Variants in ANKRD44 observed in about 807,000 individuals in gnomAD.
The protein encoded by ANKRD44 is ankyrin repeat domain 44.
ANKRD44 carries 35 observed loss-of-function variants against 116.0 expected under a neutral mutation model. The ratio of observed to expected loss-of-function variants is 0.30; its 90% CI spans 0.23 to 0.40. ANKRD44 has a LOEUF of 0.40. Ranked by LOEUF, ANKRD44 falls within the 10% of genes least tolerant of loss-of-function variation. The pLI is 1.00. For synonymous variants in ANKRD44, 435 were observed against 461.8 expected (o/e 0.94, Z 0.74); for missense variants, 1,014 against 1,242.6 (o/e 0.82, Z 2.77).
intron 1 of ANKRD44, among the ~76,000 whole-genome samples, chr2:197,213,963 C>G (rs891945434): frequency 6.6e-6 from 1 of 152,176 alleles, no homozygotes; most frequent in East Asian, 1.9e-4. Flanking sequence ...AAAGCATAGT[C>G]TAGGTTTCTC....
intron 1 of ANKRD44, among the ~76,000 whole-genome samples, chr2:197,240,284 A>G (rs2082062558): frequency 6.6e-6 from 1 of 150,866 alleles, no homozygotes; most frequent in African/African-American, 2.4e-5. Flanking sequence ...CTGAGGCACG[A>G]GAATCACTTG....
At chr2:197,072,026 G>A (rs1017369671) in intron 16 of ANKRD44, among the ~76,000 whole-genome samples, 1 of 149,742 alleles carries the variant, frequency 6.7e-6, no homozygotes, top group Non-Finnish European at 1.5e-5. Flanking sequence ...CTGAGAGGGA[G>A]GGAGGGATGG....
chr2:197,236,711 C>T (rs2081985955), intron 1 of ANKRD44, among the ~76,000 whole-genome samples: 1 of 99,506 alleles, frequency 1.0e-5, no homozygotes, highest in African/African-American at 4.9e-5. Flanking sequence ...CAACAAACTA[C>T]TCAAAAAAAA....
chr2:197,225,527 A>G (rs1212056536), intron 1 of ANKRD44, among the ~76,000 whole-genome samples: 1 of 152,142 alleles, frequency 6.6e-6, no homozygotes, highest in Non-Finnish European at 1.5e-5. Flanking sequence ...TATTTTTAGT[A>G]GAGAAAGGGT....
intron 21 of ANKRD44, among the ~76,000 whole-genome samples, chr2:196,980,349 T>TA (rs2075792095): frequency 6.6e-6 from 1 of 152,052 alleles, no homozygotes; most frequent in Non-Finnish European, 1.5e-5. Flanking sequence ...AATAAAACAG[T>TA]AAGGAGTAAA....
chr2:197,197,946 GCA>G (rs1295128707), intron 1 of ANKRD44: 7 of 152,148 alleles, frequency 4.6e-5, no homozygotes, highest in Admixed American at 1.3e-4. Flanking sequence ...ATACAAATAC[GCA>G]CAGCTAGAAT....
intron 1 of ANKRD44, among the ~76,000 whole-genome samples, chr2:197,290,687 T>C (rs1430617269): frequency 6.6e-6 from 1 of 152,260 alleles, no homozygotes; most frequent in African/African-American, 2.4e-5. Context: ...TTTGTTTTGA[T>C]ACATTGTTAA....
chr2:197,198,808 A>G (rs2081024408), intron 1 of ANKRD44: 1 of 152,134 alleles, frequency 6.6e-6, no homozygotes, highest in Non-Finnish European at 1.5e-5. Flanking sequence ...AAAAAATAAA[A>G]TAAAATAAAA....
At chr2:197,205,150 AC>A (rs2081178514) in intron 1 of ANKRD44, among the ~76,000 whole-genome samples, 1 of 152,222 alleles carries the variant, frequency 6.6e-6, no homozygotes. Flanking sequence ...CTGTCCCAGA[AC>A]CACAGAGTAA....
chr2:197,088,894 G>A, intron 11 of ANKRD44, 120 bp from the exon 12 acceptor site: 2 of 1,075,332 alleles, frequency 1.9e-6, no homozygotes, highest in Non-Finnish European at 2.6e-6. Flanking sequence ...CAGAATGCAA[G>A]CAATTGTAGT....
At chr2:197,107,676 A>G (rs1005214240) in intron 9 of ANKRD44, among the ~76,000 whole-genome samples, 7 of 152,238 alleles carry the variant, frequency 4.6e-5, no homozygotes, top group African/African-American at 1.7e-4. Flanking sequence ...TACAAAGAAC[A>G]TTCCTCAGTA....
chr2:197,277,057 A>G (rs2083111816), intron 1 of ANKRD44, among the ~76,000 whole-genome samples: 1 of 151,676 alleles, frequency 6.6e-6, no homozygotes, highest in Non-Finnish European at 1.5e-5. Context: ...CCTCCCAAGT[A>G]GCTGGGACTA....
At chr2:197,028,938 C>T (rs2076651166) in intron 16 of ANKRD44, 1 of 153,882 alleles carries the variant, frequency 6.5e-6, no homozygotes, top group Non-Finnish European at 1.4e-5. Context: ...CCTTATCCCC[C>T]AGAGTTTGTG....
intron 4 of ANKRD44, among the ~76,000 whole-genome samples, chr2:197,133,686 C>T (rs1323513399): frequency 2.0e-5 from 3 of 152,220 alleles, no homozygotes; most frequent in Non-Finnish European, 2.9e-5. Context: ...TTGACAAGTG[C>T]TAACAGTTAA....
At chr2:197,063,969 C>T (rs2077375941) in intron 16 of ANKRD44, among the ~76,000 whole-genome samples, 1 of 151,970 alleles carries the variant, frequency 6.6e-6, no homozygotes, top group East Asian at 1.9e-4. Context: ...AGATACTCCT[C>T]GAGAAGAGCA....
chr2:197,252,582 G>T (rs2178203), intron 1 of ANKRD44, among the ~76,000 whole-genome samples: 1 of 152,010 alleles, frequency 6.6e-6, no homozygotes, highest in Non-Finnish European at 1.5e-5. Context: ...AATTTTTTGC[G>T]TTTTTAGTAG....
chr2:197,058,229 T>C (rs1451124808), intron 16 of ANKRD44, among the ~76,000 whole-genome samples: 1 of 152,192 alleles, frequency 6.6e-6, no homozygotes, highest in Non-Finnish European at 1.5e-5. Context: ...TTATTGAGAT[T>C]GCCATTACTG....
At chr2:197,179,921 G>C (rs1188699014) in intron 2 of ANKRD44, among the ~76,000 whole-genome samples, 1 of 152,156 alleles carries the variant, frequency 6.6e-6, no homozygotes, top group African/African-American at 2.4e-5. Flanking sequence ...CCTGGGCAGG[G>C]GTCCAACAAG....
At chr2:197,186,618 T>C (rs932479257) in intron 2 of ANKRD44, among the ~76,000 whole-genome samples, 14 of 24,062 alleles carry the variant, frequency 5.8e-4, no homozygotes, top group South Asian at 1.5e-3. Flanking sequence ...TTTTCTTTTT[T>C]TTTTTTTTTT....
Sources: allele counts gnomAD v4.1 joint callset (sites outside exome capture counted in the v4.1 genomes callset), GRCh38; gene constraint gnomAD v4.1.1; transcripts MANE v1.5; gene names NCBI Gene and HGNC (gene_info 2026-07-23, HGNC 2026-07-21).